CERS3: variants seen among roughly 807,000 people sequenced by gnomAD.
CERS3 encodes LAG1 homolog, ceramide synthase 3.
Under a neutral mutation model 50.3 loss-of-function variants are expected in CERS3, and 33 were observed. That is an observed-to-expected ratio of 0.66 (90% CI 0.50 to 0.88). The LOEUF (loss-of-function observed/expected upper bound fraction) is 0.88, where lower values mean the gene tolerates loss of function less well. Ranked by LOEUF, CERS3 falls within the 40% of genes least tolerant of loss-of-function variation. The pLI is 0.00. For synonymous variants in CERS3, 176 were observed against 155.2 expected, an observed-to-expected ratio of 1.13 and a Z score of -0.99; for missense variants, 470 against 460.3, an observed-to-expected ratio of 1.02 and a Z score of -0.19.
Position 100,472,985 on chromosome 15 carries a change from T to G in CERS3, c.677A>C (p.Asn226Thr). ...CACGAGGGTCCCACTGCGAATATAA[T>G]TAGCACACCAAGAGAAGCTCATCAG... Reference protein sequence around the residue: ...ISLMSFSWCANYIRSGTLVMI... With the variant: ...ISLMSFSWCATYIRSGTLVMI... Residue 226 changes from asparagine to threonine, a missense_variant, in exon 9 of 12, where the codon AAT (asparagine) becomes ACT (threonine). Coordinates refer to ENST00000679737, the MANE Select transcript of CERS3 (RefSeq NM_001378789.1). The G allele has an allele frequency of 6.2e-7, 1 of 1,613,960 alleles. No homozygotes were observed. Among genetic ancestry groups the G allele is most frequent in the East Asian group, 2.2e-5 (1 of 44,870 alleles).
chr15:100,543,350 A>T (rs77556235), intron 1 of CERS3, among the ~76,000 whole-genome samples: 5,462 of 151,954 alleles, frequency 0.036, 160 homozygotes, highest in South Asian at 0.11. Context: ...CCATCTCTAC[A>T]CTCCACATAC....
At chr15:100,489,813 A>G (rs1295896152) in intron 4 of CERS3, among the ~76,000 whole-genome samples, 2 of 152,228 alleles carry the variant, frequency 1.3e-5, no homozygotes, top group African/African-American at 4.8e-5. Flanking sequence ...AGTCAAATAC[A>G]GGAGCTGAGG....
intron 1 of CERS3, among the ~76,000 whole-genome samples, chr15:100,526,724 A>C (rs2036805560): frequency 6.6e-6 from 1 of 152,072 alleles, no homozygotes; most frequent in Admixed American, 6.6e-5. Context: ...GATATAAGGA[A>C]CAAGTACCAG....
intron 11 of CERS3, among the ~76,000 whole-genome samples, chr15:100,431,825 C>A (rs1266295825): frequency 6.6e-6 from 1 of 152,208 alleles, no homozygotes; most frequent in Non-Finnish European, 1.5e-5. Context: ...GCCCAAGCCA[C>A]TCTAGTTAGC....
intron 11 of CERS3, among the ~76,000 whole-genome samples, chr15:100,433,743 A>G (rs973716455): frequency 2.6e-5 from 4 of 152,256 alleles, no homozygotes; most frequent in South Asian, 4.1e-4. Context: ...ACACACCTAT[A>G]CATGCACACA....
At chr15:100,472,000 C>T (rs972606370) in intron 9 of CERS3, among the ~76,000 whole-genome samples, 6 of 152,188 alleles carry the variant, frequency 3.9e-5, no homozygotes, top group East Asian at 1.9e-4. Context: ...AGAGATCATA[C>T]GCAGCCCACA....
At chr15:100,477,565 G>A (rs368616483) in intron 7 of CERS3, among the ~76,000 whole-genome samples, 23 of 152,158 alleles carry the variant, frequency 1.5e-4, no homozygotes, top group African/African-American at 4.6e-4. Flanking sequence ...GCACTAGAGC[G>A]AACCTTTTAT....
intron 5 of CERS3, among the ~76,000 whole-genome samples, chr15:100,484,197 C>T (rs1354036849): frequency 2.6e-5 from 4 of 152,058 alleles, no homozygotes; most frequent in Non-Finnish European, 5.9e-5. Flanking sequence ...AGGGCCAACC[C>T]TGACCCTAAG....
At chr15:100,521,072 G>A (rs1223075057) in intron 2 of CERS3, among the ~76,000 whole-genome samples, 3 of 152,154 alleles carry the variant, frequency 2.0e-5, no homozygotes, top group African/African-American at 7.2e-5. Flanking sequence ...AGTTTAGAGA[G>A]ATAAAGTGAC....
At chr15:100,470,203 G>A (rs1361036877) in intron 9 of CERS3, among the ~76,000 whole-genome samples, 1 of 152,122 alleles carries the variant, frequency 6.6e-6, no homozygotes, top group Non-Finnish European at 1.5e-5. Context: ...TGGGAGTCTG[G>A]GAGCAGGAGG....
chr15:100,499,831 C>CT (rs2035944714), intron 3 of CERS3, among the ~76,000 whole-genome samples: 2 of 152,164 alleles, frequency 1.3e-5, no homozygotes, highest in Non-Finnish European at 2.9e-5. Flanking sequence ...CTGTGAAAGT[C>CT]TAAGAATTAC....
upstream of CERS3, among the ~76,000 whole-genome samples, chr15:100,533,726 T>A (rs1166154678): frequency 6.6e-6 from 1 of 151,920 alleles, no homozygotes; most frequent in Non-Finnish European, 1.5e-5. Flanking sequence ...CCCAGCTAAT[T>A]TTTTTGTGTT....
chr15:100,539,344 C>T (rs1212708350), intron 1 of CERS3, among the ~76,000 whole-genome samples: 1 of 152,182 alleles, frequency 6.6e-6, no homozygotes, highest in Non-Finnish European at 1.5e-5. Context: ...ACCCCACTCT[C>T]TGCAGTACTA....
intron 2 of CERS3, among the ~76,000 whole-genome samples, chr15:100,510,691 G>T (rs1406372599): frequency 6.6e-6 from 1 of 152,156 alleles, no homozygotes; most frequent in Non-Finnish European, 1.5e-5. Context: ...TCTCCCTAAA[G>T]ACCAAGCTGC....
chr15:100,463,917 C>G (rs931055515), intron 10 of CERS3, among the ~76,000 whole-genome samples: 1 of 152,202 alleles, frequency 6.6e-6, no homozygotes, highest in Non-Finnish European at 1.5e-5. Context: ...GTCCATCATT[C>G]CCTCATCCCG....
At chr15:100,525,834 G>GT (rs2036772061) in intron 1 of CERS3, among the ~76,000 whole-genome samples, 1 of 152,216 alleles carries the variant, frequency 6.6e-6, no homozygotes, top group South Asian at 2.1e-4. Flanking sequence ...ACTTAGGAAA[G>GT]TAAGTCCCAC....
intron 10 of CERS3, among the ~76,000 whole-genome samples, chr15:100,464,798 G>C (rs952983619): frequency 6.6e-6 from 1 of 152,178 alleles, no homozygotes; most frequent in Admixed American, 6.5e-5. Context: ...GGAGTTACCA[G>C]GCAATTAAAT....
At chr15:100,453,509 T>G (rs1338775151) in intron 11 of CERS3, among the ~76,000 whole-genome samples, 1 of 152,154 alleles carries the variant, frequency 6.6e-6, no homozygotes, top group Non-Finnish European at 1.5e-5. Context: ...CTGAACATAA[T>G]GAAGGGCATA....
chr15:100,424,142 C>T (rs973733699), intron 11 of CERS3, among the ~76,000 whole-genome samples: 24 of 151,984 alleles, frequency 1.6e-4, no homozygotes, highest in African/African-American at 5.8e-4. Context: ...GGTTTCTCCA[C>T]GTTGGTCAGG....
Sources: allele counts gnomAD v4.1 joint callset (sites outside exome capture counted in the v4.1 genomes callset), GRCh38; gene constraint gnomAD v4.1.1; transcripts MANE v1.5; gene names NCBI Gene and HGNC (gene_info 2026-07-23, HGNC 2026-07-21).